Variants in PKHD1L1 observed in about 807,000 individuals in gnomAD.
PKHD1L1 encodes fibrocystin-L.
A neutral mutation model predicts 462.9 loss-of-function variants in PKHD1L1; 434 were observed. The observed-to-expected ratio is 0.94, with a 90% CI of 0.87 to 1.02. The LOEUF (loss-of-function observed/expected upper bound fraction) is 1.02. Among genes scored for constraint, PKHD1L1 ranks in the 50% least tolerant of loss-of-function variants. The pLI is 0.00. For missense variants in PKHD1L1, 5,202 were observed against 5,096.1 expected (o/e 1.02, Z -0.63); for synonymous variants, 1,781 against 1,750.0 (o/e 1.02, Z -0.44).
chr8:109,373,363 T>G (rs1811622576), intron 2 of PKHD1L1, among the ~76,000 whole-genome samples: 1 of 152,240 alleles, frequency 6.6e-6, no homozygotes, highest in African/African-American at 2.4e-5. Context: ...TCCTTTGTAA[T>G]TTTTTATTGT....
At chr8:109,364,173 C>G (rs1404068496) in intron 1 of PKHD1L1, among the ~76,000 whole-genome samples, 3 of 152,192 alleles carry the variant, frequency 2.0e-5, no homozygotes, top group Admixed American at 6.5e-5. Flanking sequence ...TGACCTATTT[C>G]TTCTTGGTGT....
rs893828289 is a variant in PKHD1L1 at position 109,442,060 on chromosome 8, G to A, written c.4258G>A (p.Asp1420Asn). The change falls in exon 35 of 78, where the codon GAC becomes AAC. Residue 1420 changes from aspartate (D) to asparagine (N), a missense_variant. By Grantham distance (23) the Asp-to-Asn change is conservative (BLOSUM62 1). Around this residue, in one of 3 missense-constraint regions of PKHD1L1, gnomAD observed 4,497 missense variants for 4,336.8 expected, o/e 1.04. Transcript: ENST00000378402. ...SPPVLNVSVG[D>N]TVAWHWQTHP... is the part of the protein sequence containing the mutation. ...ACCAGTCCTAAATGTGTCTGTGGGGGACACAGTGGCATGGCATTGGCAAAC... is the reference window on the plus strand; with the variant it reads ...ACCAGTCCTAAATGTGTCTGTGGGGAACACAGTGGCATGGCATTGGCAAAC... 2 of 1,613,292 alleles carry A rather than the reference G, an allele frequency of 1.2e-6. No individual in the cohort carries two copies. Among genetic ancestry groups the A allele is most frequent in the East Asian group, 2.2e-5 (1 of 44,870 alleles).
chr8:109,411,918 T>C (rs1168002075), intron 19 of PKHD1L1, among the ~76,000 whole-genome samples: 1 of 152,060 alleles, frequency 6.6e-6, no homozygotes, highest in Non-Finnish European at 1.5e-5. Flanking sequence ...TCTTCACCAC[T>C]TGAATCCTGA....
chr8:109,438,284 C>G, intron 30 of PKHD1L1, 40 bp from the exon 31 acceptor site: 4 of 1,369,100 alleles, frequency 2.9e-6, no homozygotes, highest in Non-Finnish European at 3.9e-6. Context: ...TTCTGTATCT[C>G]AACAATTAAT....
Position 109,443,887 on chromosome 8 carries a change from C to G in PKHD1L1, c.4776C>G (p.Leu1592=). Residue 1592 remains leucine (L), a synonymous_variant, in exon 37 of 78, where the codon CTC becomes CTG. Coordinates refer to ENST00000378402, the MANE Select transcript of PKHD1L1 (RefSeq NM_177531.6). ...TTATTGGACATGGCTTTAGTAATCT[C>G]CCATGGGCTAATAAGGTAAGAATAT... ...ITIIGHGFSN[L]PWANKVTIGS... is the part of the protein sequence containing the mutation. 6.2e-7 allele frequency: 1 copy of G among 1,608,862 alleles called. No homozygotes were observed. Among genetic ancestry groups the G allele is most frequent in the Non-Finnish European group, 8.5e-7 (1 of 1,175,474 alleles).
At chr8:109,473,124 G>A (rs989572090) in intron 50 of PKHD1L1, among the ~76,000 whole-genome samples, 1 of 152,022 alleles carries the variant, frequency 6.6e-6, no homozygotes, top group Admixed American at 6.6e-5. Flanking sequence ...TAAAAAATTA[G>A]GAAAAACACA....
rs758311530 is a variant in PKHD1L1, at chr8:109,440,764, AC to A, written c.4012del (p.Gln1338LysfsTer13). 32 of 1,613,054 alleles carry A rather than the reference AC, an allele frequency of 2.0e-5. No individual in the cohort carries two copies. The highest frequency in any genetic ancestry group is 5.0e-5 in the Admixed American group (3 of 59,958). On this transcript the variant is annotated frameshift_variant, in exon 33 of 78. Coordinates refer to ENST00000378402, the MANE Select transcript of PKHD1L1 (RefSeq NM_177531.6). LOFTEE classifies it high-confidence loss of function. ...TTTTAGAAGTGACCAGCATGTTTCCACAAAGAGGCTCCTTGTTTGGTGGAAC... is the reference window on the plus strand; with the variant it reads ...TTTTAGAAGTGACCAGCATGTTTCCAAAAGAGGCTCCTTGTTTGGTGGAAC... ...YVLEVTSMFP[Q>X]RGSLFGGTEI...
At chr8:109,434,007 C>G (rs1815254296) in intron 28 of PKHD1L1, among the ~76,000 whole-genome samples, 1 of 152,000 alleles carries the variant, frequency 6.6e-6, no homozygotes, top group African/African-American at 2.4e-5. Context: ...TAAACTAACA[C>G]AAGAACGGAA....
chr8:109,510,951 T>C lies in PKHD1L1; in HGVS notation c.11553+17T>C. The C allele has an allele frequency of 6.2e-7, 1 of 1,608,654 alleles. No homozygotes were observed. Among genetic ancestry groups the C allele is most frequent in the Non-Finnish European group, 8.5e-7 (1 of 1,176,860 alleles). ...CATAACAAGGTAGGGCAAGATGTCT[T>C]AAGAGTAATTGCTGTTGATTATTTG... On this transcript the variant is annotated intron_variant, in intron 71 of 77. Transcript: ENST00000378402.
intron 76 of PKHD1L1, among the ~76,000 whole-genome samples, chr8:109,524,184 C>A (rs1171553255): frequency 6.6e-5 from 10 of 152,206 alleles, no homozygotes; most frequent in Non-Finnish European, 2.9e-5. Flanking sequence ...TTCTGTTTGT[C>A]CCAACTCAGG....
intron 6 of PKHD1L1, 140 bp downstream of exon 6, chr8:109,385,770 A>C (rs1008549859): frequency 1.9e-6 from 1 of 524,260 alleles, no homozygotes; most frequent in Non-Finnish European, 3.2e-6. Flanking sequence ...CATATTATAG[A>C]AAGTAAAACA....
At chr8:109,511,207 A>C (rs1187288947) in intron 71 of PKHD1L1, among the ~76,000 whole-genome samples, 1 of 152,000 alleles carries the variant, frequency 6.6e-6, no homozygotes, top group East Asian at 1.9e-4. Flanking sequence ...TTTTTTTATT[A>C]TTATACTTTA....
In PKHD1L1 at chr8:109,406,438, C is replaced by T; in HGVS notation, c.1773C>T (p.Pro591=). ...TTCAAGTAATAAGAACACAAAATCC[C>T]CAGAGCTATGTCTACATGGTAACAT... ...DTVQVIRTQN[P]QSYVYMVTFI... Residue 591 remains proline, a synonymous_variant, in exon 17 of 78, where the codon CCC becomes CCT. Coordinates refer to ENST00000378402, the MANE Select transcript of PKHD1L1 (RefSeq NM_177531.6). 6.2e-7 allele frequency: 1 copy of T among 1,601,258 alleles called. No homozygotes were observed.
intron 48 of PKHD1L1, among the ~76,000 whole-genome samples, chr8:109,462,438 C>T (rs777252685): frequency 3.9e-5 from 6 of 152,168 alleles, no homozygotes; most frequent in Non-Finnish European, 7.3e-5. Flanking sequence ...TTATCTCCTA[C>T]GACCCTATGC....
At chr8:109,417,648 A>G (rs1238537247) in intron 21 of PKHD1L1, among the ~76,000 whole-genome samples, 5 of 152,020 alleles carry the variant, frequency 3.3e-5, no homozygotes, top group Admixed American at 6.6e-5. Flanking sequence ...GGTTCAAGCA[A>G]TTCTCCTGCC....
rs1295252918 is a variant in PKHD1L1, at chr8:109,370,771, T to C, written c.163+6135T>C. ...AGAACATGTGGTGTTTGGTTTTTTG[T>C]CCTCGCGATAGCTTGCTGAGAATGA... On this transcript the variant is annotated intron_variant, in intron 2 of 77. Transcript: ENST00000378402. Among the ~76,000 whole-genome samples, 6 of 152,292 alleles carry C rather than the reference T, an allele frequency of 3.9e-5. No individual in the cohort carries two copies. In the East Asian group the frequency reaches 7.7e-4, roughly 20 times the overall value.
chr8:109,379,280 G>A (rs1185315542), intron 2 of PKHD1L1, among the ~76,000 whole-genome samples: 1 of 152,142 alleles, frequency 6.6e-6, no homozygotes, highest in Admixed American at 6.5e-5. Context: ...CCAATTATGG[G>A]CTTTGCTTCC....
At chr8:109,516,160 A>G (rs778705121) in intron 72 of PKHD1L1, among the ~76,000 whole-genome samples, 2 of 152,152 alleles carry the variant, frequency 1.3e-5, no homozygotes, top group Non-Finnish European at 2.9e-5. Context: ...TAGTAACTCT[A>G]TGAGGTAGGC....
chr8:109,395,943 G>T (rs1313624514), intron 10 of PKHD1L1, 84 bp from the exon 11 acceptor site: 7 of 879,652 alleles, frequency 8.0e-6, no homozygotes, highest in Non-Finnish European at 1.3e-5. Context: ...ACTATGGCTA[G>T]GTAATTTGGA....
Sources: allele counts gnomAD v4.1 joint callset (sites outside exome capture counted in the v4.1 genomes callset), GRCh38; gene constraint gnomAD v4.1.1; regional missense constraint gnomAD v4.1.1; transcripts MANE v1.5; gene names NCBI Gene and HGNC (gene_info 2026-07-23, HGNC 2026-07-21).